The following STEAP1B variants were observed in gnomAD, a reference collection of about 807,000 sequenced individuals.
STEAP1B encodes the protein STEAP family protein MGC87042.
STEAP1B carries 13 observed loss-of-function variants against 27.9 expected under a neutral mutation model. That is an observed-to-expected ratio of 0.47 (90% CI 0.30 to 0.74). The LOEUF (loss-of-function observed/expected upper bound fraction) is 0.74, where lower values mean the gene tolerates loss of function less well. Among genes scored for constraint, STEAP1B ranks in the 30% least tolerant of loss-of-function variants. The probability of loss-of-function intolerance (pLI) is 0.06; values close to 1 mark genes in which losing one functional copy is unlikely to be tolerated. For synonymous variants in STEAP1B, 86 were observed against 107.1 expected (o/e 0.80, Z 1.22); for missense variants, 250 against 298.7 (o/e 0.84, Z 1.20).
intron 4 of STEAP1B, among the ~76,000 whole-genome samples, chr7:22,452,552 A>G (rs1785508619): frequency 6.6e-6 from 1 of 152,230 alleles, no homozygotes; most frequent in African/African-American, 2.4e-5. Flanking sequence ...CTGCAAGGCA[A>G]TAAATTAACA....
At chr7:22,438,275 A>G (rs1262685531) in intron 4 of STEAP1B, 1 of 540,266 alleles carries the variant, frequency 1.9e-6, no homozygotes, top group African/African-American at 1.9e-5. Flanking sequence ...TTCTCCTGAA[A>G]TACTTCCAGT....
chr7:22,456,972 A>ATATATATATATATATATATATATATATTT, intron 4 of STEAP1B, among the ~76,000 whole-genome samples: 6 of 57,070 alleles, frequency 1.1e-4, no homozygotes, highest in Admixed American at 2.0e-4. Context: ...ATATATATAT[A>ATATATATATATATATATATATATATATTT]TTTTTTTTTT....
chr7:22,437,706 T>C lies in STEAP1B; in HGVS notation c.763-17870A>G, dbSNP rs1785272033. ...CAGTTTTCCATGATGGCTGTATTAA[T>C]TTACATTTCCATCAACAGTGTAAAA... On this transcript the variant is annotated intron_variant, in intron 4 of 4. Coordinates refer to ENST00000678116, the MANE Select transcript of STEAP1B (RefSeq NM_001382447.1). 2.0e-5 allele frequency among the ~76,000 whole-genome samples: 3 copies of C among 152,228 alleles called. No homozygotes were observed. In the South Asian group the frequency reaches 6.2e-4, roughly 32 times the overall value.
At chr7:22,476,807 A>G (rs1374672491) in intron 4 of STEAP1B, among the ~76,000 whole-genome samples, 1 of 152,208 alleles carries the variant, frequency 6.6e-6, no homozygotes, top group East Asian at 1.9e-4. Context: ...AGAGGCTACG[A>G]CAAACATCAT....
At chr7:22,461,472 A>G (rs1785677903) in intron 4 of STEAP1B, among the ~76,000 whole-genome samples, 1 of 152,136 alleles carries the variant, frequency 6.6e-6, no homozygotes, top group African/African-American at 2.4e-5. Flanking sequence ...CATGTTGGCC[A>G]GGCTGGTCTT....
rs573147696 is a variant in STEAP1B, at chr7:22,467,363, G to T, written c.762+25202C>A. Among the ~76,000 whole-genome samples, 3 of 152,338 alleles carry T rather than the reference G, an allele frequency of 2.0e-5. No individual in the cohort carries two copies. The East Asian group carries it at 5.8e-4, about 29-fold the overall frequency. On this transcript the variant is annotated intron_variant, in intron 4 of 4. Transcript: ENST00000678116. Reference sequence around the variant, plus strand: ...TCAGAACAGTGGGTTAGTAAGGGCTGGATCTCTGGGGGTGCTGACTGTGAA... The same window carrying T: ...TCAGAACAGTGGGTTAGTAAGGGCTTGATCTCTGGGGGTGCTGACTGTGAA...
At chr7:22,484,141 A>G (rs148770644) in intron 4 of STEAP1B, among the ~76,000 whole-genome samples, 13 of 152,346 alleles carry the variant, frequency 8.5e-5, no homozygotes, top group Non-Finnish European at 1.9e-4. Flanking sequence ...GTTACTCAGA[A>G]TATCTAGCTA....
chr7:22,467,644 G>A (rs1181083324), intron 4 of STEAP1B, among the ~76,000 whole-genome samples: 1 of 152,128 alleles, frequency 6.6e-6, no homozygotes, highest in Non-Finnish European at 1.5e-5. Context: ...TTTATAAGGG[G>A]AAACCCCTTT....
intron 4 of STEAP1B, among the ~76,000 whole-genome samples, chr7:22,471,623 G>A (rs79970169): frequency 0.022 from 3,295 of 152,228 alleles, 48 homozygotes; most frequent in South Asian, 0.031. Context: ...TTGTTTTCAA[G>A]GCCAGGTACG....
chr7:22,468,545 A>C (rs753634511), intron 4 of STEAP1B, among the ~76,000 whole-genome samples: 1 of 152,194 alleles, frequency 6.6e-6, no homozygotes, highest in Non-Finnish European at 1.5e-5. Flanking sequence ...TTTATCACCT[A>C]TCAAAACACT....
At chr7:22,498,087 C>G (rs1350386250) in intron 1 of STEAP1B, among the ~76,000 whole-genome samples, 1 of 152,308 alleles carries the variant, frequency 6.6e-6, no homozygotes, top group African/African-American at 2.4e-5. Context: ...CTAATGCCAC[C>G]GTTCATCTGA....
chr7:22,484,283 G>C (rs1004771023), intron 4 of STEAP1B, among the ~76,000 whole-genome samples: 2 of 152,162 alleles, frequency 1.3e-5, no homozygotes, highest in African/African-American at 4.8e-5. Context: ...TTCTTGTTAG[G>C]GGTTAATGCA....
At chr7:22,438,640 A>G (rs1785285523) in intron 4 of STEAP1B, 1 of 1,552,080 alleles carries the variant, frequency 6.4e-7, no homozygotes, top group Non-Finnish European at 8.7e-7. Context: ...AGGTGGTGGG[A>G]AATGGATTCC....
intron 4 of STEAP1B, among the ~76,000 whole-genome samples, chr7:22,456,974 T>TATATATATATATATA (rs1562573770): frequency 2.0e-5 from 1 of 50,238 alleles, no homozygotes; most frequent in African/African-American, 8.8e-5. Flanking sequence ...ATATATATAT[T>TATATATATATATATA]TTTTTTTTTT....
intron 4 of STEAP1B, among the ~76,000 whole-genome samples, chr7:22,442,475 A>C (rs763228969): frequency 5.9e-5 from 9 of 152,274 alleles, no homozygotes; most frequent in Non-Finnish European, 1.2e-4. Flanking sequence ...CCCTGACGGC[A>C]GGCCTGGCCT....
chr7:22,464,880 C>T (rs1785746223), intron 4 of STEAP1B, among the ~76,000 whole-genome samples: 1 of 140,218 alleles, frequency 7.1e-6, no homozygotes, highest in South Asian at 2.3e-4. Flanking sequence ...AGTAGCCCTT[C>T]CTTATCCTCA....
At chr7:22,487,465 T>A (rs2128415771) in intron 4 of STEAP1B, among the ~76,000 whole-genome samples, 1 of 151,322 alleles carries the variant, frequency 6.6e-6, no homozygotes, top group Admixed American at 6.6e-5. Context: ...TGAGTATTTG[T>A]TTGAAAAAAA....
At chr7:22,439,610 G>A (rs935791326) in intron 4 of STEAP1B, among the ~76,000 whole-genome samples, 5 of 152,080 alleles carry the variant, frequency 3.3e-5, no homozygotes, top group Non-Finnish European at 5.9e-5. Context: ...ACAAAATTTT[G>A]GGGGAGCACA....
At chr7:22,490,238 G>A (rs1786297466) in intron 4 of STEAP1B, among the ~76,000 whole-genome samples, 1 of 151,950 alleles carries the variant, frequency 6.6e-6, no homozygotes, top group African/African-American at 2.4e-5. Context: ...TTTTCCTGGT[G>A]CTTGAAAACT....
Sources: allele counts gnomAD v4.1 joint callset (sites outside exome capture counted in the v4.1 genomes callset), GRCh38; gene constraint gnomAD v4.1.1; transcripts MANE v1.5; gene names NCBI Gene and HGNC (gene_info 2026-07-23, HGNC 2026-07-21).